The following ARSB variants were observed in gnomAD, a reference collection of about 807,000 sequenced individuals.
The protein encoded by ARSB is arylsulfatase B, also known as N-acetylgalactosamine-4-sulfatase.
ARSB carries 41 observed loss-of-function variants against 50.9 expected under a neutral mutation model. The observed-to-expected ratio is 0.81, with a 90% CI of 0.63 to 1.04. The LOEUF (loss-of-function observed/expected upper bound fraction) is 1.04, where lower values mean the gene tolerates loss of function less well. Among genes scored for constraint, ARSB ranks in the 50% least tolerant of loss-of-function variants. The pLI, the probability that ARSB is intolerant of heterozygous loss-of-function variation, is 0.00. For missense variants in ARSB, 672 were observed against 693.3 expected (o/e 0.97, Z 0.35); for synonymous variants, 269 against 284.8 (o/e 0.94, Z 0.56).
At chr5:78,868,821 T>C (rs1746954317) in intron 5 of ARSB, among the ~76,000 whole-genome samples, 1 of 145,612 alleles carries the variant, frequency 6.9e-6, no homozygotes, top group South Asian at 2.2e-4. Flanking sequence ...AATATTAACT[T>C]TAAATGTAAA....
rs371886102 is a variant in ARSB, at chr5:78,964,535, G to A, written c.571C>T (p.Arg191Ter). The A allele has an allele frequency of 9.3e-6, 15 of 1,613,824 alleles. No individual in the cohort carries two copies. The highest frequency in any genetic ancestry group is 1.3e-5 in the African/African-American group (1 of 74,910). The change falls in exon 3 of 8, where the codon CGA (arginine) becomes TGA (stop). Residue 191 changes from arginine to a stop codon, truncating the protein, a stop_gained. Coordinates refer to ENST00000264914, the MANE Select transcript of ARSB (RefSeq NM_000046.5). LOFTEE classifies it high-confidence loss of function. ...CCATCTCGAAAATCAAGAGCACATC[G>A]TGTGACATTCAGAGCGTCAATTAAT... ...CTLIDALNVT[R>*]CALDFRDGEE...
At chr5:78,820,010 C>T (rs2112673023) in intron 6 of ARSB, among the ~76,000 whole-genome samples, 1 of 152,354 alleles carries the variant, frequency 6.6e-6, no homozygotes, top group African/African-American at 2.4e-5. Flanking sequence ...CTGGGGGCTC[C>T]ACCCTCATGG....
At chr5:78,981,566 C>G (rs1409271712) in intron 1 of ARSB, among the ~76,000 whole-genome samples, 2 of 152,108 alleles carry the variant, frequency 1.3e-5, no homozygotes, top group African/African-American at 2.4e-5. Context: ...AGAAACTCGC[C>G]CTAATGGACA....
intron 4 of ARSB, among the ~76,000 whole-genome samples, chr5:78,948,200 TAGAA>T (rs933931182): frequency 1.3e-5 from 2 of 151,994 alleles, no homozygotes; most frequent in Non-Finnish European, 1.5e-5. Flanking sequence ...TATACTTAGA[TAGAA>T]TGAATAAGAG....
chr5:78,820,540 A>G (rs977769240), intron 6 of ARSB, among the ~76,000 whole-genome samples: 1 of 152,022 alleles, frequency 6.6e-6, no homozygotes, highest in East Asian at 1.9e-4. Flanking sequence ...CAGCCTGGGC[A>G]ACAGAGCAAG....
chr5:78,835,217 C>T (rs1412793401), intron 6 of ARSB, among the ~76,000 whole-genome samples: 2 of 152,088 alleles, frequency 1.3e-5, no homozygotes, highest in African/African-American at 4.8e-5. Context: ...CAAGCCACAA[C>T]CTACCATGTG....
intron 4 of ARSB, among the ~76,000 whole-genome samples, chr5:78,944,285 C>T (rs1279768963): frequency 6.6e-6 from 1 of 152,248 alleles, no homozygotes; most frequent in Admixed American, 6.5e-5. Flanking sequence ...ACTCATCAAA[C>T]TCATTCTCCA....
intron 6 of ARSB, among the ~76,000 whole-genome samples, chr5:78,803,290 C>T (rs148028841): frequency 1.9e-3 from 291 of 152,300 alleles, no homozygotes; most frequent in African/African-American, 6.4e-3. Flanking sequence ...GCACTAGGGA[C>T]GGCCGCCTCT....
At chr5:78,855,933 T>A (rs1746122654) in intron 5 of ARSB, among the ~76,000 whole-genome samples, 1 of 152,210 alleles carries the variant, frequency 6.6e-6, no homozygotes, top group Non-Finnish European at 1.5e-5. Context: ...GGGTATCTGT[T>A]ACTTCTCTTG....
At chr5:78,945,635 C>T (rs1352870506) in intron 4 of ARSB, among the ~76,000 whole-genome samples, 2 of 152,204 alleles carry the variant, frequency 1.3e-5, no homozygotes, top group East Asian at 3.8e-4. Flanking sequence ...AGACCCTTCA[C>T]AATTCCTCCC....
rs999708129 is a variant in ARSB at position 78,865,890 on chromosome 5, C to A, written c.1142+19694G>T. Among the ~76,000 whole-genome samples, 3 of 152,220 alleles carry A rather than the reference C, an allele frequency of 2.0e-5. No individual in the cohort carries two copies. The East Asian group carries it at 5.8e-4, about 29-fold the overall frequency. On this transcript the variant is annotated intron_variant, in intron 5 of 7. Transcript: ENST00000264914. Reference sequence around the variant, plus strand: ...CCAGTTCCCAACAAGTGCCTCATCTCCATCCAAGACCACCTCAGCCTGGAT... The same window carrying A: ...CCAGTTCCCAACAAGTGCCTCATCTACATCCAAGACCACCTCAGCCTGGAT...
intron 1 of ARSB, among the ~76,000 whole-genome samples, chr5:78,978,700 T>C (rs887257918): frequency 6.6e-6 from 1 of 152,236 alleles, no homozygotes; most frequent in Non-Finnish European, 1.5e-5. Context: ...GTCATACGTC[T>C]ATGGTCAATT....
intron 5 of ARSB, among the ~76,000 whole-genome samples, chr5:78,858,204 C>A (rs998143217): frequency 1.3e-5 from 2 of 152,118 alleles, no homozygotes; most frequent in African/African-American, 4.8e-5. Context: ...TTTTAAGGCT[C>A]CATAAACAAA....
intron 4 of ARSB, among the ~76,000 whole-genome samples, chr5:78,891,040 C>T (rs1394165186): frequency 1.3e-5 from 2 of 152,154 alleles, no homozygotes; most frequent in African/African-American, 4.8e-5. Context: ...AACTCTGCTT[C>T]TCAAGAGCAA....
chr5:78,845,609 T>C (rs1398612064), intron 5 of ARSB, among the ~76,000 whole-genome samples: 1 of 152,146 alleles, frequency 6.6e-6, no homozygotes, highest in African/African-American at 2.4e-5. Context: ...TGGTTTTAAA[T>C]TTGCATTCTC....
chr5:78,900,617 T>C (rs1289956930), intron 4 of ARSB, among the ~76,000 whole-genome samples: 1 of 152,186 alleles, frequency 6.6e-6, no homozygotes, highest in Admixed American at 6.5e-5. Flanking sequence ...CTCTGGGTTG[T>C]TGCTGGTGAA....
chr5:78,879,744 G>GTAT (rs1368256311), intron 5 of ARSB, among the ~76,000 whole-genome samples: 2 of 152,234 alleles, frequency 1.3e-5, no homozygotes, highest in Non-Finnish European at 2.9e-5. Context: ...GGCGATTTCT[G>GTAT]TATCAGCAGG....
At chr5:78,970,632 G>A (rs1218098731) in intron 1 of ARSB, among the ~76,000 whole-genome samples, 4 of 152,134 alleles carry the variant, frequency 2.6e-5, no homozygotes, top group African/African-American at 9.7e-5. Flanking sequence ...CAGTGACAGA[G>A]GTGGCACTTG....
At chr5:78,840,150 T>C (rs902537116) in intron 5 of ARSB, among the ~76,000 whole-genome samples, 3 of 152,184 alleles carry the variant, frequency 2.0e-5, no homozygotes, top group Non-Finnish European at 4.4e-5. Context: ...ACCAGATGTA[T>C]GTAGGGAGCA....
Sources: gnomAD v4.1 joint callset for allele counts (sites outside exome capture counted in the v4.1 genomes callset) on GRCh38, gnomAD v4.1.1 for gene constraint, MANE v1.5 for transcripts, NCBI Gene and HGNC (gene_info 2026-07-23, HGNC 2026-07-21) for gene names.